The following BNC1 variants were observed in gnomAD, a reference collection of about 807,000 sequenced individuals.
BNC1 encodes zinc finger protein basonuclin-1.
BNC1 carries 8 observed loss-of-function variants against 66.5 expected under a neutral mutation model. That is an observed-to-expected ratio of 0.12 (90% CI 0.07 to 0.22). The LOEUF (loss-of-function observed/expected upper bound fraction) is 0.22, where lower values mean the gene tolerates loss of function less well. BNC1 is among the 10% of genes least tolerant of loss of function. The probability of loss-of-function intolerance (pLI) is 1.00; values close to 1 mark genes in which losing one functional copy is unlikely to be tolerated. For missense variants in BNC1, 1,069 were observed against 1,241.3 expected, an observed-to-expected ratio of 0.86 and a Z score of 2.09; for synonymous variants, 454 against 452.6, an observed-to-expected ratio of 1.00 and a Z score of -0.04.
chr15:83,283,354 G>C, intron 1 of BNC1: 1 of 1,429,070 alleles, frequency 7.0e-7, no homozygotes, highest in Middle Eastern at 2.5e-4. Context: ...GGGTCTGGGC[G>C]GCGGCTCCGG....
chr15:83,271,376 T>C (rs1360798408), intron 1 of BNC1, among the ~76,000 whole-genome samples: 1 of 152,180 alleles, frequency 6.6e-6, no homozygotes, highest in African/African-American at 2.4e-5. Context: ...CATTTTCAGG[T>C]GATGCGGAAT....
In BNC1 at chr15:83,258,136, T is replaced by C; in HGVS notation, c.2301-10A>G. ...TAGGTTTGAGCTGTGTCTACAAGAG[T>C]GAAAAGATGGTTAGTAATGGGTTGG... is the stretch of plus-strand genomic sequence containing the variant. On this transcript the variant is annotated splice_polypyrimidine_tract_variant and intron_variant, in intron 4 of 4. Transcript: ENST00000345382. 6.3e-7 allele frequency: 1 copy of C among 1,581,410 alleles called. No homozygotes were observed. Among genetic ancestry groups the C allele is most frequent in the Non-Finnish European group, 8.6e-7 (1 of 1,157,718 alleles).
chr15:83,263,920 G>A lies in BNC1; in HGVS notation c.1331C>T (p.Thr444Ile), dbSNP rs747572517. ...SSENYKCPGF[T>I]VTSPDCRPPP... Reference sequence around the variant, plus strand: ...AGGCCTACAGTCTGGGGACGTCACTGTGAAACCTGGGCACTTGTAGTTCTC... The same window carrying A: ...AGGCCTACAGTCTGGGGACGTCACTATGAAACCTGGGCACTTGTAGTTCTC... The change falls in exon 4 of 5, where the codon ACA becomes ATA. Residue 444 changes from threonine (T) to isoleucine (I), a missense_variant. This residue lies in a region of BNC1 where 657 missense variants were observed against 715.8 expected (regional missense o/e 0.92). Coordinates refer to ENST00000345382, the MANE Select transcript of BNC1 (RefSeq NM_001717.4). The A allele has an allele frequency of 2.5e-6, 4 of 1,614,092 alleles. No homozygotes were observed. The Admixed American group carries it at 5.0e-5, about 20-fold the overall frequency.
chr15:83,284,479 C>G lies in BNC1; in HGVS notation c.99+51G>C, dbSNP rs746761748. 2.0e-4 allele frequency: 223 copies of G among 1,127,444 alleles called. 1 individual carries two copies. The highest frequency in any genetic ancestry group is 2.3e-4 in the Non-Finnish European group (209 of 908,944). 69.8% of individuals were successfully genotyped at this position (1,127,444 alleles called of 1,614,324 possible). On this transcript the variant is annotated intron_variant, in intron 1 of 4. Transcript: ENST00000345382. Reference sequence around the variant, plus strand: ...CGGAGCCCAGCGGCGTCCCGGGCCGCCTGCTCCGCGCACAGAGAATCCCCG... The same window carrying G: ...CGGAGCCCAGCGGCGTCCCGGGCCGGCTGCTCCGCGCACAGAGAATCCCCG...
chr15:83,264,524 T>C lies in BNC1; in HGVS notation c.727A>G (p.Met243Val). The change falls in exon 4 of 5, where the codon ATG becomes GTG. Residue 243 changes from methionine (M) to valine (V), a missense_variant. Physicochemically the swap from Met to Val is conservative, Grantham distance 21. This residue lies in a region of BNC1 where 181 missense variants were observed against 181.5 expected (regional missense o/e 1.00). Coordinates refer to ENST00000345382, the MANE Select transcript of BNC1 (RefSeq NM_001717.4). ...GGGTTGAAGAACTGGAAAGGCAGCA[T>C]GAAAGTCATGTTGCTTATGAGGTTC... ...FENLISNMTF[M>V]LPFQFFNPLP... The C allele has an allele frequency of 6.2e-7, 1 of 1,614,102 alleles. No homozygotes were observed. The highest frequency in any genetic ancestry group is 1.6e-4 in the Middle Eastern group (1 of 6,062).
Position 83,263,286 on chromosome 15 carries a change from T to C in BNC1, c.1965A>G (p.Glu655=), listed in dbSNP as rs1195058932. The C allele has an allele frequency of 6.2e-7, 1 of 1,614,042 alleles. No homozygotes were observed. The highest frequency in any genetic ancestry group is 1.3e-5 in the African/African-American group (1 of 74,908). ...GTTCCATCCCAGGTGTGAAGTAGTG[T>C]TCATGGCCACCATCCTCGACCTCCC... ...VPREVEDGGH[E]HYFTPGMEPQ... The change falls in exon 4 of 5, where the codon GAA becomes GAG. Residue 655 remains glutamate (E), a synonymous_variant. Coordinates refer to ENST00000345382, the MANE Select transcript of BNC1 (RefSeq NM_001717.4).
chr15:83,267,078 A>G lies in BNC1; in HGVS notation c.200-7T>C. 1 of 1,601,654 alleles carries G rather than the reference A, an allele frequency of 6.2e-7. No individual in the cohort carries two copies. Among genetic ancestry groups the G allele is most frequent in the Non-Finnish European group, 8.6e-7 (1 of 1,169,266 alleles). ...ATCCTTAGCTTACTTAGAGCTGAAA[A>G]ATCAAATTGAGGAAATGTCATTTTG... is the stretch of plus-strand genomic sequence containing the variant. On this transcript the variant is annotated splice_polypyrimidine_tract_variant and splice_region_variant and intron_variant, in intron 2 of 4. Transcript: ENST00000345382.
chr15:83,282,282 A>G (rs2038387005), intron 1 of BNC1, among the ~76,000 whole-genome samples: 1 of 152,258 alleles, frequency 6.6e-6, no homozygotes. Context: ...TTGACTTGAA[A>G]TAGTAATAGT....
At chr15:83,268,346 GCCCA>G in intron 1 of BNC1, 114 bp from the exon 2 acceptor site, 2 of 925,020 alleles carry the variant, frequency 2.2e-6, no homozygotes, top group Non-Finnish European at 3.4e-6. Flanking sequence ...AGCAATATGT[GCCCA>G]CTGTGTGCCA....
chr15:83,258,538 T>C (rs1471452850), intron 4 of BNC1, among the ~76,000 whole-genome samples: 3 of 152,152 alleles, frequency 2.0e-5, no homozygotes, highest in East Asian at 1.9e-4. Flanking sequence ...ACTTCCCCCA[T>C]TGTAGAAGTC....
At chr15:83,273,354 G>A (rs183719673) in intron 1 of BNC1, among the ~76,000 whole-genome samples, 21 of 152,058 alleles carry the variant, frequency 1.4e-4, no homozygotes, top group African/African-American at 4.8e-4. Context: ...GAAATTAAAT[G>A]AAAATATTCT....
chr15:83,283,142 C>T (rs1005379712), intron 1 of BNC1: 75 of 1,535,508 alleles, frequency 4.9e-5, no homozygotes, highest in Middle Eastern at 3.3e-4. Context: ...AACTGTCAGA[C>T]TCGGAGCGGT....
intron 1 of BNC1, among the ~76,000 whole-genome samples, chr15:83,272,394 C>CTTTTTTTTTTTTTT (rs750429207): frequency 1.6e-4 from 20 of 122,698 alleles, no homozygotes; most frequent in African/African-American, 4.4e-4. Flanking sequence ...CCACACCTGG[C>CTTTTTTTTTTTTTT]TTTTTTTTTT....
In BNC1 at chr15:83,263,235, C is replaced by T; in HGVS notation, c.2016G>A (p.Met672Ile). 6.2e-7 allele frequency: 1 copy of T among 1,614,208 alleles called. No individual in the cohort carries two copies. The highest frequency in any genetic ancestry group is 1.1e-5 in the South Asian group (1 of 91,082). ...CAGCCAGCAGGCGCTGCTGCAGTTC[C>T]ATGTAGTCAGAAAAAGGAACTTGGG... ...MEPQVPFSDY[M>I]ELQQRLLAGG... is the part of the protein sequence containing the mutation. The change falls in exon 4 of 5, where the codon ATG becomes ATA. Residue 672 changes from methionine (M) to isoleucine (I), a missense_variant. Physicochemically the swap from Met to Ile is conservative, Grantham distance 10. This residue lies in a region of BNC1 where 657 missense variants were observed against 715.8 expected (regional missense o/e 0.92). Coordinates refer to ENST00000345382, the MANE Select transcript of BNC1 (RefSeq NM_001717.4).
Position 83,256,670 on chromosome 15 carries a change from C to G in BNC1, c.*772G>C, listed in dbSNP as rs571427811. 3.3e-5 allele frequency: 5 copies of G among 152,296 alleles called. No homozygotes were observed. The highest frequency in any genetic ancestry group is 1.2e-4 in the African/African-American group (5 of 41,568). 9.4% of individuals were successfully genotyped at this position (152,296 alleles called of 1,614,324 possible). A position where few individuals can be genotyped will look rare whatever the true frequency, so the allele number is the denominator to read the frequency against. ...ACTTGTTCTGCTTCTGAGCAGAGAT[C>G]CAGAGGTGACACAGTGCAATATCTG... is the stretch of plus-strand genomic sequence containing the variant. On this transcript the variant is annotated 3_prime_UTR_variant, in exon 5 of 5. Transcript: ENST00000345382.
chr15:83,283,129 C>T, intron 1 of BNC1: 3 of 1,535,554 alleles, frequency 2.0e-6, no homozygotes, highest in East Asian at 2.4e-5. Flanking sequence ...TGGCATTCCA[C>T]TTAACTGTCA....
chr15:83,264,627 G>C lies in BNC1; in HGVS notation c.624C>G (p.Ile208Met). The change falls in exon 4 of 5, where the codon ATC (isoleucine) becomes ATG (methionine). Residue 208 changes from isoleucine (I) to methionine (M), a missense_variant. Coordinates refer to ENST00000345382, the MANE Select transcript of BNC1 (RefSeq NM_001717.4). ...STANVDIRAFIESCSHRSSSL... is the reference protein window; with the variant it reads ...STANVDIRAFMESCSHRSSSL... Reference sequence around the variant, plus strand: ...TAGAACTCCTGTGACTGCAGCTCTCGATGAAAGCCCTGATATCTACATTTG... The same window carrying C: ...TAGAACTCCTGTGACTGCAGCTCTCCATGAAAGCCCTGATATCTACATTTG... The C allele has an allele frequency of 6.2e-7, 1 of 1,614,160 alleles. No individual in the cohort carries two copies. Among genetic ancestry groups the C allele is most frequent in the Middle Eastern group, 1.6e-4 (1 of 6,062 alleles).
chr15:83,279,128 T>C (rs541279118), intron 1 of BNC1, among the ~76,000 whole-genome samples: 2 of 152,290 alleles, frequency 1.3e-5, no homozygotes, highest in Admixed American at 1.3e-4. Flanking sequence ...CTATGGTATA[T>C]TGCCCTGGTT....
At chr15:83,259,049 C>G (rs557528286) in intron 4 of BNC1, among the ~76,000 whole-genome samples, 1 of 152,300 alleles carries the variant, frequency 6.6e-6, no homozygotes, top group East Asian at 1.9e-4. Context: ...GTTTCACTAT[C>G]CTATACCAGA....
Sources: gnomAD v4.1 joint callset for allele counts (sites outside exome capture counted in the v4.1 genomes callset) on GRCh38, gnomAD v4.1.1 for gene constraint, gnomAD v4.1.1 regional missense constraint, MANE v1.5 for transcripts, NCBI Gene and HGNC (gene_info 2026-07-23, HGNC 2026-07-21) for gene names.